FGD4: variants seen among roughly 807,000 people sequenced by gnomAD.
FGD4 encodes the protein FYVE, RhoGEF and PH domain-containing protein 4.
FGD4 carries 42 observed loss-of-function variants against 102.0 expected under a neutral mutation model. That is an observed-to-expected ratio of 0.41 (90% CI 0.32 to 0.53). FGD4 has a LOEUF of 0.53. Among genes scored for constraint, FGD4 ranks in the 20% least tolerant of loss-of-function variants. The pLI is 0.21. For synonymous variants in FGD4, 380 were observed against 375.7 expected (o/e 1.01, Z -0.13); for missense variants, 902 against 1,078.2 (o/e 0.84, Z 2.29).
chr12:32,528,584 T>G (rs900093589), intron 1 of FGD4, among the ~76,000 whole-genome samples: 1 of 151,998 alleles, frequency 6.6e-6, no homozygotes, highest in Non-Finnish European at 1.5e-5. Flanking sequence ...AGAGATGAGG[T>G]TTCACCATGT....
intron 4 of FGD4, among the ~76,000 whole-genome samples, chr12:32,596,034 A>C (rs1947863845): frequency 6.6e-6 from 1 of 152,236 alleles, no homozygotes; most frequent in Non-Finnish European, 1.5e-5. Context: ...ACGCAGTTTA[A>C]AATATAGTAT....
At chr12:32,501,198 C>T (rs183315649) in intron 1 of FGD4, among the ~76,000 whole-genome samples, 1,585 of 152,282 alleles carry the variant, frequency 0.01, 20 homozygotes, top group Non-Finnish European at 0.017. Context: ...ACTACAGGTG[C>T]GCACCACCAC....
chr12:32,418,934 G>A lies in FGD4; in HGVS notation c.166+18975G>A, dbSNP rs78462244. 5.6e-3 allele frequency among the ~76,000 whole-genome samples: 847 copies of A among 152,296 alleles called. 8 individuals carry two copies. The highest frequency in any genetic ancestry group is 0.019 in the African/African-American group (808 of 41,550). On this transcript the variant is annotated intron_variant, in intron 1 of 16. Coordinates refer to ENST00000534526, the MANE Select transcript of FGD4 (RefSeq NM_001370298.3). ...AGGTGGCACGTGACCCACAAGACAA[G>A]TTGCTTCCCACTCTTCCCTCCCCTT...
intron 1 of FGD4, among the ~76,000 whole-genome samples, chr12:32,467,164 G>A (rs1387519016): frequency 6.6e-6 from 1 of 152,138 alleles, no homozygotes; most frequent in African/African-American, 2.4e-5. Context: ...AGAGGATGTG[G>A]GTAGAGTTTA....
At chr12:32,588,802 G>T (rs1192789964) in intron 4 of FGD4, among the ~76,000 whole-genome samples, 1 of 152,230 alleles carries the variant, frequency 6.6e-6, no homozygotes, top group African/African-American at 2.4e-5. Context: ...TTAACAGAAC[G>T]TTGAGTTGAA....
chr12:32,599,203 AT>A (rs552505922), intron 5 of FGD4, among the ~76,000 whole-genome samples: 2 of 152,234 alleles, frequency 1.3e-5, no homozygotes, highest in African/African-American at 4.8e-5. Flanking sequence ...TATTATAAGA[AT>A]AACTTTTGGG....
At chr12:32,446,680 C>T (rs182208590) in intron 1 of FGD4, among the ~76,000 whole-genome samples, 1 of 152,196 alleles carries the variant, frequency 6.6e-6, no homozygotes, top group East Asian at 1.9e-4. Flanking sequence ...CAAGTGCCAG[C>T]GTGCCATATT....
chr12:32,537,937 C>G (rs1286027181), intron 1 of FGD4, among the ~76,000 whole-genome samples: 1 of 152,136 alleles, frequency 6.6e-6, no homozygotes, highest in Non-Finnish European at 1.5e-5. Flanking sequence ...TTTCTGTCAT[C>G]CAGGCTGGAG....
intron 14 of FGD4, among the ~76,000 whole-genome samples, chr12:32,626,465 A>AGG (rs1389898031): frequency 1.5e-5 from 2 of 135,338 alleles, no homozygotes; most frequent in East Asian, 2.0e-4. Flanking sequence ...AAAAAAAAAA[A>AGG]GGGGGTTGAG....
intron 1 of FGD4, among the ~76,000 whole-genome samples, chr12:32,520,601 A>C (rs905065722): frequency 6.6e-6 from 1 of 151,770 alleles, no homozygotes; most frequent in African/African-American, 2.4e-5. Flanking sequence ...ACGCCTGGCT[A>C]ATTTTTTTGT....
At chr12:32,545,236 GAATTTATTAAAT>G (rs1222028446) in intron 1 of FGD4, among the ~76,000 whole-genome samples, 2 of 152,194 alleles carry the variant, frequency 1.3e-5, no homozygotes, top group Non-Finnish European at 2.9e-5. Flanking sequence ...ATAACACTGT[GAATTTATTAAAT>G]ACATTCCAGA....
intron 4 of FGD4, among the ~76,000 whole-genome samples, chr12:32,592,961 A>G (rs1947602135): frequency 6.6e-6 from 1 of 152,202 alleles, no homozygotes; most frequent in East Asian, 1.9e-4. Flanking sequence ...CTGTCTATTT[A>G]CAGGCACATA....
chr12:32,515,677 C>CTG (rs1939813972), intron 1 of FGD4, among the ~76,000 whole-genome samples: 1 of 152,226 alleles, frequency 6.6e-6, no homozygotes. Flanking sequence ...ATTGCACATG[C>CTG]TGTGCCACTT....
At chr12:32,480,452 A>G (rs531554024) in intron 1 of FGD4, among the ~76,000 whole-genome samples, 18 of 151,250 alleles carry the variant, frequency 1.2e-4, no homozygotes, top group African/African-American at 4.1e-4. Context: ...GTGAGCCACA[A>G]CGCCCAACCT....
At chr12:32,455,695 A>G (rs558617985) in intron 1 of FGD4, among the ~76,000 whole-genome samples, 28 of 152,230 alleles carry the variant, frequency 1.8e-4, no homozygotes, top group Non-Finnish European at 2.5e-4. Flanking sequence ...AGGTGTTTTT[A>G]TGTACCTTTG....
intron 1 of FGD4, among the ~76,000 whole-genome samples, chr12:32,483,080 T>G (rs7312690): frequency 0.3 from 44,919 of 152,124 alleles, 7,078 homozygotes; most frequent in East Asian, 0.45. Flanking sequence ...GCTTAGTGTA[T>G]TCTCCTTTTA....
chr12:32,621,243 C>T (rs1330333364), intron 11 of FGD4, among the ~76,000 whole-genome samples: 2 of 152,096 alleles, frequency 1.3e-5, no homozygotes, highest in South Asian at 2.1e-4. Flanking sequence ...AGGCATGATC[C>T]TGTTCCTGCA....
chr12:32,592,777 T>A (rs1490696207), intron 4 of FGD4, among the ~76,000 whole-genome samples: 1 of 152,200 alleles, frequency 6.6e-6, no homozygotes, highest in Non-Finnish European at 1.5e-5. Flanking sequence ...AGCCACCATA[T>A]TATTACTTCA....
intron 4 of FGD4, among the ~76,000 whole-genome samples, chr12:32,593,028 G>C (rs534401820): frequency 1.3e-5 from 2 of 152,246 alleles, no homozygotes; most frequent in African/African-American, 2.4e-5. Context: ...GGTATATCAT[G>C]AATAGTAACT....
Sources: allele counts gnomAD v4.1 joint callset (sites outside exome capture counted in the v4.1 genomes callset), GRCh38; gene constraint gnomAD v4.1.1; transcripts MANE v1.5; gene names NCBI Gene and HGNC (gene_info 2026-07-23, HGNC 2026-07-21).